The following NBPF20 variants were observed in gnomAD, a reference collection of about 807,000 sequenced individuals.
NBPF20 encodes the protein NBPF family member NBPF20.
Under a neutral mutation model 68.1 loss-of-function variants are expected in NBPF20, and 90 were observed. The observed-to-expected ratio is 1.32, with a 90% CI of 1.11 to 1.58. NBPF20 has a LOEUF of 1.58. NBPF20 is among the 40% of genes most tolerant of loss of function. The probability of loss-of-function intolerance (pLI) is 0.00; values close to 1 mark genes in which losing one functional copy is unlikely to be tolerated. For synonymous variants in NBPF20, 290 were observed against 228.1 expected, an observed-to-expected ratio of 1.27 and a Z score of -2.45; for missense variants, 816 against 601.2, an observed-to-expected ratio of 1.36 and a Z score of -3.74.
At chr1:145,414,972 GA>G in the NBPF20 span, among the ~76,000 whole-genome samples, 1 of 152,282 alleles carries the variant, frequency 6.6e-6, no homozygotes, top group Admixed American at 6.5e-5. Flanking sequence ...TACAGAGGAA[GA>G]AAAATGGGCC....
the NBPF20 span, among the ~76,000 whole-genome samples, chr1:145,421,144 G>T: frequency 2.7e-5 from 4 of 150,224 alleles, no homozygotes; most frequent in Non-Finnish European, 5.9e-5. Context: ...TACTTGAGTA[G>T]CCAGGGAAGT....
upstream of NBPF20, among the ~76,000 whole-genome samples, chr1:145,409,436 A>C (rs1396437943): frequency 6.6e-6 from 1 of 151,440 alleles, no homozygotes; most frequent in Non-Finnish European, 1.5e-5. Flanking sequence ...AAGAGGAAAA[A>C]AAAAAAAGAA....
upstream of NBPF20, among the ~76,000 whole-genome samples, chr1:145,409,857 T>C (rs587764569): frequency 2.8e-4 from 42 of 151,634 alleles, no homozygotes; most frequent in South Asian, 8.5e-3. Flanking sequence ...AGGAAAACTT[T>C]CCAATTTTGA....
rs1661775487 is a variant in NBPF20 at position 145,372,568 on chromosome 1, C to T, written c.4313G>A (p.Ser1438Asn). 27 of 341,012 alleles carry T rather than the reference C, an allele frequency of 7.9e-5. 6 individuals carry two copies. Among genetic ancestry groups the T allele is most frequent in the South Asian group, 4.9e-4 (19 of 38,982 alleles). The allele number at this position is 341,012 out of a possible 1,614,324, so 21.1% of individuals were successfully genotyped here. Residue 1438 changes from serine to asparagine, a missense_variant, in exon 36 of 138, where the codon AGC (serine) becomes AAC (asparagine). Transcript: ENST00000369373. Reference sequence around the variant, plus strand: ...TTCCTCCAATGAGTAAACAGCACTGCTGTAGGGCTGGCCTAAGTCAGGCAG... The same window carrying T: ...TTCCTCCAATGAGTAAACAGCACTGTTGTAGGGCTGGCCTAAGTCAGGCAG...
chr1:145,291,080 GA>G (rs1558959240), exon 138 of NBPF20: 2 of 257,154 alleles, frequency 7.8e-6, no homozygotes, highest in African/African-American at 4.6e-5. Flanking sequence ...CTGTGTTACA[GA>G]TGGATCAGCT....
At chr1:145,394,152 G>A (rs1239188538) in intron 8 of NBPF20, among the ~76,000 whole-genome samples, 2 of 152,114 alleles carry the variant, frequency 1.3e-5, no homozygotes, top group African/African-American at 4.8e-5. Context: ...GTGTTGGAAT[G>A]TTATCTTCCC....
At chr1:145,415,036 G>T in the NBPF20 span, among the ~76,000 whole-genome samples, 1 of 152,188 alleles carries the variant, frequency 6.6e-6, no homozygotes, top group Non-Finnish European at 1.5e-5. Context: ...TGGCCTCTGA[G>T]TTCCCTTAGT....
intron 7 of NBPF20, among the ~76,000 whole-genome samples, chr1:145,397,307 T>C (rs1553664140): frequency 2.6e-5 from 4 of 152,288 alleles, no homozygotes; most frequent in African/African-American, 9.6e-5. Flanking sequence ...CTGGGTCAAA[T>C]GGTATTTCTA....
At chr1:145,408,573 C>A (rs1248911454), upstream of NBPF20, among the ~76,000 whole-genome samples, 1 of 151,748 alleles carries the variant, frequency 6.6e-6, no homozygotes, top group African/African-American at 2.4e-5. Flanking sequence ...CAACTTATTG[C>A]TTCTTCAAGA....
chr1:145,403,654 C>T (rs1423080551), intron 2 of NBPF20, among the ~76,000 whole-genome samples: 1 of 152,206 alleles, frequency 6.6e-6, no homozygotes, highest in Non-Finnish European at 1.5e-5. Context: ...TCCTCTAAAA[C>T]ACTGCACTGG....
Position 145,306,035 on chromosome 1 carries a change from C to CCCTT in NBPF20, c.14474_14475insAAGG (p.Pro4826ArgfsTer3), listed in dbSNP as rs1661398632. ...CCAGTGAGTCCTGCAAGACTTCAGGCTCTACTACCTCCAGCAGCTCCCTGC... is the reference window on the plus strand; with the variant it reads ...CCAGTGAGTCCTGCAAGACTTCAGGCCCTTTCTACTACCTCCAGCAGCTCCCTGC... On this transcript the variant is annotated frameshift_variant, in exon 120 of 138. Transcript: ENST00000369373. LOFTEE classifies it high-confidence loss of function. 2.2e-6 allele frequency: 1 copy of CCCTT among 454,946 alleles called. No homozygotes were observed. Among genetic ancestry groups the CCCTT allele is most frequent in the Non-Finnish European group, 3.7e-6 (1 of 269,208 alleles). The allele number at this position is 454,946 out of a possible 1,614,324, so 28.2% of individuals were successfully genotyped here.
chr1:145,342,836 G>T (rs1354923702), intron 73 of NBPF20, among the ~76,000 whole-genome samples: 3 of 93,390 alleles, frequency 3.2e-5, no homozygotes. Context: ...TCAGTGAATT[G>T]TCCAGGTGAC....
At chr1:145,292,581 G>A (rs1301213641) in intron 136 of NBPF20, 92 bp from the exon 142 acceptor site, 11 of 742,766 alleles carry the variant, frequency 1.5e-5, no homozygotes, top group Non-Finnish European at 2.4e-5. Context: ...GGGACCTCAG[G>A]CTCCCCAGCA....
At chr1:145,397,202 T>C (rs1662292052) in intron 7 of NBPF20, among the ~76,000 whole-genome samples, 1 of 149,750 alleles carries the variant, frequency 6.7e-6, no homozygotes, top group Non-Finnish European at 1.5e-5. Flanking sequence ...AAGTCTTTGC[T>C]ATTGTGAATA....
At chr1:145,408,593 T>G (rs1323830640), upstream of NBPF20, among the ~76,000 whole-genome samples, 46 of 151,792 alleles carry the variant, frequency 3.0e-4, no homozygotes, top group African/African-American at 1.1e-3. Context: ...ACCGACTTGC[T>G]TATTCTAGGT....
At chr1:145,403,941 A>G (rs80341580) in intron 2 of NBPF20, among the ~76,000 whole-genome samples, 1 of 150,390 alleles carries the variant, frequency 6.6e-6, no homozygotes, top group Non-Finnish European at 1.5e-5. Context: ...AATAGTGTTC[A>G]CTGTGTGCCA....
At chr1:145,292,592 T>A (rs1465410913) in intron 136 of NBPF20, 103 bp from the exon 142 acceptor site, 9 of 746,086 alleles carry the variant, frequency 1.2e-5, no homozygotes, top group Admixed American at 5.6e-5. Context: ...CTCCCCAGCA[T>A]AAGAATAGGA....
At chr1:145,403,126 C>G (rs1662605239) in intron 3 of NBPF20, 90 bp downstream of exon 8, 1 of 1,470,614 alleles carries the variant, frequency 6.8e-7, no homozygotes, top group South Asian at 1.1e-5. Context: ...TCCCCTGGCC[C>G]AGCTTAGCTC....
the NBPF20 span, among the ~76,000 whole-genome samples, chr1:145,423,714 C>T: frequency 2.7e-5 from 4 of 150,548 alleles, no homozygotes; most frequent in African/African-American, 9.7e-5. Flanking sequence ...AATGAAATCA[C>T]ACTGATACAT....
Sources: allele counts gnomAD v4.1 joint callset (sites outside exome capture counted in the v4.1 genomes callset), GRCh38; gene constraint gnomAD v4.1.1; transcripts MANE v1.5; gene names NCBI Gene and HGNC (gene_info 2026-07-23, HGNC 2026-07-21).